HDAC9: variants seen among roughly 807,000 people sequenced by gnomAD.
HDAC9 encodes the protein MEF-2 interacting transcription repressor (MITR) protein.
A neutral mutation model predicts 139.4 loss-of-function variants in HDAC9; 41 were observed. The observed-to-expected ratio is 0.29, with a 90% confidence interval of 0.23 to 0.38. The LOEUF (loss-of-function observed/expected upper bound fraction) is 0.38, where lower values mean the gene tolerates loss of function less well. HDAC9 is among the 10% of genes least tolerant of loss of function. HDAC9 has a pLI of 1.00. For missense variants in HDAC9, 1,147 were observed against 1,297.0 expected, an observed-to-expected ratio of 0.88 and a Z score of 1.78; for synonymous variants, 517 against 476.2, an observed-to-expected ratio of 1.09 and a Z score of -1.12.
chr7:18,981,419 A>G (rs1327483740), intron 25 of HDAC9, among the ~76,000 whole-genome samples: 1 of 152,186 alleles, frequency 6.6e-6, no homozygotes, highest in Non-Finnish European at 1.5e-5. Context: ...AATACTGCAA[A>G]TTTAATGGCT....
intron 1 of HDAC9, among the ~76,000 whole-genome samples, chr7:18,309,949 A>C (rs1799190472): frequency 6.6e-6 from 1 of 152,212 alleles, no homozygotes; most frequent in Admixed American, 6.5e-5. Context: ...GCAATGTGGT[A>C]GGGCAGTGGT....
At chr7:18,913,888 T>C (rs1802955805) in intron 22 of HDAC9, among the ~76,000 whole-genome samples, 1 of 152,004 alleles carries the variant, frequency 6.6e-6, no homozygotes, top group African/African-American at 2.4e-5. Flanking sequence ...CAGGTAAATA[T>C]TTAAAAAGTA....
intron 2 of HDAC9, among the ~76,000 whole-genome samples, chr7:18,240,410 T>G (rs569351680): frequency 6.6e-6 from 1 of 152,318 alleles, no homozygotes; most frequent in African/African-American, 2.4e-5. Flanking sequence ...TTTAAAAGAT[T>G]GCAGTTATTT....
rs995282980 is a variant in HDAC9 at position 18,720,110 on chromosome 7, T to C, written c.1732-7470T>C. Among the ~76,000 whole-genome samples, 5 of 152,132 alleles carry C rather than the reference T, an allele frequency of 3.3e-5. 1 individual carries two copies. The highest frequency in any genetic ancestry group is 3.3e-4 in the Admixed American group (5 of 15,280). On this transcript the variant is annotated intron_variant, in intron 12 of 25. Transcript: ENST00000686413. ...TATATTAGGATATCTTCATAGAGTT[T>C]ATATATGTGACCTTTGATGCAGGAA...
chr7:18,348,291 G>A (rs1388254915), intron 1 of HDAC9, among the ~76,000 whole-genome samples: 1 of 152,160 alleles, frequency 6.6e-6, no homozygotes, highest in African/African-American at 2.4e-5. Context: ...TGTTCATTTA[G>A]GAAATGCTTA....
intron 12 of HDAC9, among the ~76,000 whole-genome samples, chr7:18,674,025 CTGT>C (rs917518468): frequency 9.2e-5 from 14 of 151,990 alleles, no homozygotes; most frequent in African/African-American, 2.2e-4. Flanking sequence ...TTCCTTTTTG[CTGT>C]TGTTGTTGTT....
intron 1 of HDAC9, among the ~76,000 whole-genome samples, chr7:18,332,764 A>T (rs1188806656): frequency 2.0e-5 from 3 of 151,530 alleles, no homozygotes; most frequent in Non-Finnish European, 4.4e-5. Context: ...AAGATAGAGG[A>T]TGTAATCTTT....
At chr7:18,379,591 T>C (rs1785261423) in intron 1 of HDAC9, among the ~76,000 whole-genome samples, 1 of 152,212 alleles carries the variant, frequency 6.6e-6, no homozygotes, top group Non-Finnish European at 1.5e-5. Flanking sequence ...AATTTAAAAG[T>C]CTAGTTTCAC....
chr7:18,450,036 G>C (rs958918505), intron 1 of HDAC9, among the ~76,000 whole-genome samples: 1 of 152,092 alleles, frequency 6.6e-6, no homozygotes, highest in Non-Finnish European at 1.5e-5. Context: ...TATCTCAAAA[G>C]ATCATGCTAC....
chr7:18,490,088 A>C (rs1157039941), intron 1 of HDAC9, among the ~76,000 whole-genome samples: 1 of 152,058 alleles, frequency 6.6e-6, no homozygotes, highest in Admixed American at 6.6e-5. Flanking sequence ...TTGTTCTCTA[A>C]AAATGTTGGC....
chr7:18,781,313 G>A (rs1156737538), intron 16 of HDAC9, among the ~76,000 whole-genome samples: 1 of 151,978 alleles, frequency 6.6e-6, no homozygotes, highest in Non-Finnish European at 1.5e-5. Flanking sequence ...GTCCAGGGTT[G>A]GCTTTGGTTG....
At chr7:18,557,268 G>C (rs1819089914) in intron 2 of HDAC9, among the ~76,000 whole-genome samples, 1 of 151,314 alleles carries the variant, frequency 6.6e-6, no homozygotes, top group Non-Finnish European at 1.5e-5. Flanking sequence ...AGCAGATGTA[G>C]GTCAAAGGAG....
intron 22 of HDAC9, among the ~76,000 whole-genome samples, chr7:18,907,687 T>G (rs1802386051): frequency 6.6e-6 from 1 of 152,146 alleles, no homozygotes; most frequent in Non-Finnish European, 1.5e-5. Context: ...TAATGCACAA[T>G]CAGATAATTC....
intron 23 of HDAC9, among the ~76,000 whole-genome samples, chr7:18,937,454 A>T (rs1012003685): frequency 6.6e-6 from 1 of 152,104 alleles, no homozygotes; most frequent in Admixed American, 6.6e-5. Flanking sequence ...AAATTTTCTA[A>T]AATGTTAGTG....
intron 11 of HDAC9, among the ~76,000 whole-genome samples, chr7:18,656,591 T>A (rs919104851): frequency 1.3e-5 from 2 of 152,164 alleles, no homozygotes; most frequent in African/African-American, 4.8e-5. Flanking sequence ...TGTTTAATAA[T>A]TCCATAAACA....
chr7:18,667,230 A>G, intron 12 of HDAC9: 1 of 985,364 alleles, frequency 1.0e-6, no homozygotes, highest in Non-Finnish European at 1.2e-6. Flanking sequence ...AGAGCAAATG[A>G]AGCAGATGCA....
intron 1 of HDAC9, among the ~76,000 whole-genome samples, chr7:18,136,302 G>A (rs1415761702): frequency 7.2e-5 from 11 of 152,014 alleles, no homozygotes; most frequent in Non-Finnish European, 2.9e-5. Flanking sequence ...AAGCTCTTGA[G>A]TTTAATTAGA....
At chr7:18,813,358 A>C (rs78925287) in intron 17 of HDAC9, among the ~76,000 whole-genome samples, 25 of 152,068 alleles carry the variant, frequency 1.6e-4, no homozygotes, top group Admixed American at 3.3e-4. Context: ...TTGGTTATCT[A>C]TTGTTACTTT....
At chr7:18,226,594 T>C (rs752859729) in intron 2 of HDAC9, among the ~76,000 whole-genome samples, 6 of 151,686 alleles carry the variant, frequency 4.0e-5, no homozygotes, top group African/African-American at 7.3e-5. Context: ...TAAGACAGAG[T>C]TGATGAAAAA....
Sources: allele counts gnomAD v4.1 joint callset (sites outside exome capture counted in the v4.1 genomes callset), GRCh38; gene constraint gnomAD v4.1.1; transcripts MANE v1.5; gene names NCBI Gene and HGNC (gene_info 2026-07-23, HGNC 2026-07-21).